Variants in LAMA3 observed in about 807,000 individuals in gnomAD.
LAMA3 encodes laminin subunit alpha 3, also known as laminin subunit alpha-3.
A neutral mutation model predicts 402.0 loss-of-function variants in LAMA3; 281 were observed. The ratio of observed to expected loss-of-function variants is 0.70; its 90% CI spans 0.63 to 0.77. The LOEUF (loss-of-function observed/expected upper bound fraction) is 0.77. Among genes scored for constraint, LAMA3 ranks in the 30% least tolerant of loss-of-function variants. The probability of loss-of-function intolerance (pLI) is 0.00; values close to 1 mark genes in which losing one functional copy is unlikely to be tolerated. For synonymous variants in LAMA3, 1,431 were observed against 1,558.4 expected (o/e 0.92, Z 1.93); for missense variants, 3,840 against 4,215.5 (o/e 0.91, Z 2.47).
rs1446785243 is a variant in LAMA3 at position 23,714,090 on chromosome 18, C to A, written c.447+18C>A. On this transcript the variant is annotated intron_variant, in intron 2 of 74. Coordinates refer to ENST00000313654, the MANE Select transcript of LAMA3 (RefSeq NM_198129.4). Reference sequence around the variant, plus strand: ...TGGGGCAGGTGAGCTACACTTTTAACTGGAATGGGAACATGAGCTTAGATC... The same window carrying A: ...TGGGGCAGGTGAGCTACACTTTTAAATGGAATGGGAACATGAGCTTAGATC... 4 of 1,609,006 alleles carry A rather than the reference C, an allele frequency of 2.5e-6. No homozygotes were observed. In the African/African-American group the frequency reaches 5.4e-5, roughly 22 times the overall value.
intron 37 of LAMA3, among the ~76,000 whole-genome samples, chr18:23,870,327 C>T (rs918264184): frequency 6.6e-6 from 1 of 151,520 alleles, no homozygotes; most frequent in East Asian, 1.9e-4. Context: ...AATTACCAAA[C>T]AGAACATAGC....
intron 60 of LAMA3, 23 bp from the exon 61 acceptor site, chr18:23,920,912 T>C: frequency 6.2e-7 from 1 of 1,613,634 alleles, no homozygotes; most frequent in Non-Finnish European, 8.5e-7. Context: ...CTTCTGGTCA[T>C]CTGCATTGTT....
chr18:23,933,944 C>T lies in LAMA3; in HGVS notation c.8862+9C>T. 1 of 1,613,630 alleles carries T rather than the reference C, an allele frequency of 6.2e-7. No homozygotes were observed. Among genetic ancestry groups the T allele is most frequent in the Non-Finnish European group, 8.5e-7 (1 of 1,179,696 alleles). Reference sequence around the variant, plus strand: ...CTTTTCGTATCAACCAGGTAAGTGTCCAAACCTAACCCTGGGTTTCCCTCT... The same window carrying T: ...CTTTTCGTATCAACCAGGTAAGTGTTCAAACCTAACCCTGGGTTTCCCTCT... On this transcript the variant is annotated intron_variant, in intron 67 of 74. Transcript: ENST00000313654.
At chr18:23,901,103 A>C in intron 47 of LAMA3, 24 bp from the exon 48 acceptor site, 1 of 1,603,574 alleles carries the variant, frequency 6.2e-7, no homozygotes, top group Non-Finnish European at 8.5e-7. Context: ...TGTCAAATAG[A>C]AAACATGAGG....
In LAMA3 at chr18:23,842,468, C is replaced by A; in HGVS notation, c.3410C>A (p.Ala1137Glu). ...YVFVIHFYQA[A>E]HPTFPAQVSV... is the part of the protein sequence containing the mutation. ...TTTGTCATCCATTTTTACCAAGCAG[C>A]GCACCCGACGTTTCCCGCGCAGGTG... The change falls in exon 28 of 75, where the codon GCG becomes GAG. Residue 1137 changes from alanine to glutamate, a missense_variant. Physicochemically the swap from Ala to Glu is moderately radical, Grantham distance 107. Transcript: ENST00000313654. 1.9e-6 allele frequency: 3 copies of A among 1,614,210 alleles called. No homozygotes were observed. The highest frequency in any genetic ancestry group is 2.5e-6 in the Non-Finnish European group (3 of 1,180,038).
At chr18:23,882,148 C>T (rs1359921613) in intron 40 of LAMA3, 103 bp downstream of exon 40, 2 of 749,004 alleles carry the variant, frequency 2.7e-6, no homozygotes, top group Non-Finnish European at 4.8e-6. Flanking sequence ...AAGTGATTAC[C>T]AAAGGGTCTG....
Position 23,689,900 on chromosome 18 carries a change from G to A in LAMA3, c.217G>A (p.Glu73Lys). The A allele has an allele frequency of 6.5e-7, 1 of 1,537,008 alleles. No homozygotes were observed. The highest frequency in any genetic ancestry group is 8.8e-7 in the Non-Finnish European group (1 of 1,141,778). The change falls in exon 1 of 75, where the codon GAG becomes AAG. Residue 73 changes from glutamate to lysine, a missense_variant. This residue lies in a region of LAMA3 where 2,109 missense variants were observed against 2,376.0 expected (regional missense o/e 0.89). Coordinates refer to ENST00000313654, the MANE Select transcript of LAMA3 (RefSeq NM_198129.4). ...TATCGERGPG[E>K]GRPQPELYCK... ...CACCTGCGGGGAGAGGGGACCCGGC[G>A]AGGGGAGGCCCCAGCCCGAGCTCTA... is the stretch of plus-strand genomic sequence containing the variant.
chr18:23,740,553 C>T (rs1012421887), intron 2 of LAMA3, among the ~76,000 whole-genome samples: 1 of 152,124 alleles, frequency 6.6e-6, no homozygotes, highest in Non-Finnish European at 1.5e-5. Context: ...GACACTCTCT[C>T]TTCTCCTTTC....
At chr18:23,804,429 G>T (rs1172205832) in intron 12 of LAMA3, among the ~76,000 whole-genome samples, 1 of 152,214 alleles carries the variant, frequency 6.6e-6, no homozygotes, top group East Asian at 1.9e-4. Flanking sequence ...GACTCTGGAT[G>T]TTTTATTGCA....
rs1487717578 is a variant in LAMA3 at position 23,765,682 on chromosome 18, A to G, written c.1182+2159A>G. On this transcript the variant is annotated intron_variant, in intron 8 of 74. Transcript: ENST00000313654. ...AGCAGTTAAGGATTTTAGAGCTGCTATTATAATTATGCTCAAGAGAATAGA... is the reference window on the plus strand; with the variant it reads ...AGCAGTTAAGGATTTTAGAGCTGCTGTTATAATTATGCTCAAGAGAATAGA... Among the ~76,000 whole-genome samples, 6 of 152,234 alleles carry G rather than the reference A, an allele frequency of 3.9e-5. No homozygotes were observed. In the South Asian group the frequency reaches 8.3e-4, roughly 21 times the overall value.
At chr18:23,762,864 T>A (rs201688469) in intron 7 of LAMA3, among the ~76,000 whole-genome samples, 8,679 of 118,328 alleles carry the variant, frequency 0.073, 295 homozygotes, top group African/African-American at 0.08. Flanking sequence ...ATATATATTT[T>A]TTTTTTTTTT....
chr18:23,824,534 T>C lies in LAMA3; in HGVS notation c.2540T>C (p.Val847Ala). The C allele has an allele frequency of 6.2e-7, 1 of 1,614,118 alleles. No homozygotes were observed. The highest frequency in any genetic ancestry group is 8.5e-7 in the Non-Finnish European group (1 of 1,179,976). The change falls in exon 21 of 75, where the codon GTT becomes GCT. Residue 847 changes from valine to alanine, a missense_variant. Around this residue, in one of 3 missense-constraint regions of LAMA3, gnomAD observed 2,109 missense variants for 2,376.0 expected, o/e 0.89. Transcript: ENST00000313654. ...TTTTCAATCACACCAGGAATATGGGTTGCTTGTATTAAGGCAGAAGGAGTC... is the reference window on the plus strand; with the variant it reads ...TTTTCAATCACACCAGGAATATGGGCTGCTTGTATTAAGGCAGAAGGAGTC... Reference protein sequence around the residue: ...DPFSITPGIWVACIKAEGVLL... With the variant: ...DPFSITPGIWAACIKAEGVLL...
intron 6 of LAMA3, 146 bp downstream of exon 6, chr18:23,753,958 C>T (rs2061797775): frequency 1.4e-6 from 1 of 699,108 alleles, no homozygotes; most frequent in South Asian, 1.5e-5. Context: ...GGGTGTGTGC[C>T]TCCTCTCCAC....
At chr18:23,898,476 A>G (rs1169390804) in intron 44 of LAMA3, 2 of 494,260 alleles carry the variant, frequency 4.0e-6, no homozygotes, top group South Asian at 2.4e-5. Flanking sequence ...CCTCATTTCT[A>G]TAAGGTTAGG....
intron 8 of LAMA3, among the ~76,000 whole-genome samples, chr18:23,766,853 C>A (rs971690026): frequency 2.0e-5 from 3 of 151,840 alleles, no homozygotes; most frequent in Admixed American, 1.3e-4. Flanking sequence ...AAAAAAAATT[C>A]TTGGAAGTCC....
chr18:23,798,297 C>A (rs1280983937), intron 12 of LAMA3, among the ~76,000 whole-genome samples: 1 of 152,106 alleles, frequency 6.6e-6, no homozygotes, highest in African/African-American at 2.4e-5. Flanking sequence ...GTGCAGCTTC[C>A]CCCAACCCCA....
At chr18:23,943,558 A>C (rs2082599099) in intron 68 of LAMA3, among the ~76,000 whole-genome samples, 1 of 152,238 alleles carries the variant, frequency 6.6e-6, no homozygotes, top group Non-Finnish European at 1.5e-5. Context: ...CAAAAGTTCC[A>C]TGTTATTCCC....
chr18:23,747,850 C>T (rs1281615753), intron 2 of LAMA3, 93 bp from the exon 3 acceptor site: 11 of 794,222 alleles, frequency 1.4e-5, no homozygotes, highest in African/African-American at 3.4e-5. Context: ...TGTGGTGGGA[C>T]GTGTTGCCTT....
At chr18:23,725,037 C>T (rs765329046) in intron 2 of LAMA3, among the ~76,000 whole-genome samples, 17 of 152,180 alleles carry the variant, frequency 1.1e-4, no homozygotes, top group Non-Finnish European at 2.1e-4. Flanking sequence ...TTACTCCCAT[C>T]GCATTTCCTT....
Sources: gnomAD v4.1 joint callset for allele counts (sites outside exome capture counted in the v4.1 genomes callset) on GRCh38, gnomAD v4.1.1 for gene constraint, gnomAD v4.1.1 regional missense constraint, MANE v1.5 for transcripts, NCBI Gene and HGNC (gene_info 2026-07-23, HGNC 2026-07-21) for gene names.